Variants in AGBL4 observed in about 807,000 individuals in gnomAD.
The protein encoded by AGBL4 is cytosolic carboxypeptidase 6.
Under a neutral mutation model 66.4 loss-of-function variants are expected in AGBL4, and 58 were observed. That is an observed-to-expected ratio of 0.87 (90% CI 0.71 to 1.09). The LOEUF is 1.09. Among genes scored for constraint, AGBL4 ranks in the 50% least tolerant of loss-of-function variants. The pLI, the probability that AGBL4 is intolerant of heterozygous loss-of-function variation, is 0.00. For missense variants in AGBL4, 579 were observed against 631.0 expected, an observed-to-expected ratio of 0.92 and a Z score of 0.88; for synonymous variants, 234 against 222.9, an observed-to-expected ratio of 1.05 and a Z score of -0.44.
intron 4 of AGBL4, among the ~76,000 whole-genome samples, chr1:49,130,618 A>C (rs1395097334): frequency 1.3e-5 from 2 of 151,956 alleles, no homozygotes; most frequent in Non-Finnish European, 2.9e-5. Context: ...AAGATCAGAT[A>C]GTTGTAGATA....
intron 6 of AGBL4, among the ~76,000 whole-genome samples, chr1:48,702,516 T>C (rs192168840): frequency 1.1e-4 from 17 of 152,206 alleles, no homozygotes; most frequent in Non-Finnish European, 5.9e-5. Flanking sequence ...GGTCTCGAAC[T>C]CCTGACCTCA....
intron 1 of AGBL4, among the ~76,000 whole-genome samples, chr1:50,000,095 T>C (rs565775472): frequency 6.6e-6 from 1 of 152,236 alleles, no homozygotes; most frequent in African/African-American, 2.4e-5. Context: ...ACTAAAAATC[T>C]TTGGCACAGC....
intron 3 of AGBL4, among the ~76,000 whole-genome samples, chr1:49,399,714 G>C (rs1645044716): frequency 6.6e-6 from 1 of 152,014 alleles, no homozygotes; most frequent in Non-Finnish European, 1.5e-5. Context: ...TTCCTACAGA[G>C]TTGTTTGAGC....
intron 6 of AGBL4, among the ~76,000 whole-genome samples, chr1:48,692,830 G>C (rs1646654767): frequency 6.6e-6 from 1 of 152,152 alleles, no homozygotes; most frequent in South Asian, 2.1e-4. Context: ...AATGGATTAG[G>C]AGGGAATTAT....
chr1:49,011,811 C>T (rs1269652232), intron 5 of AGBL4, among the ~76,000 whole-genome samples: 3 of 141,324 alleles, frequency 2.1e-5, no homozygotes, highest in Non-Finnish European at 4.5e-5. Flanking sequence ...TATTCTCACT[C>T]ATAGGTGGGA....
intron 3 of AGBL4, among the ~76,000 whole-genome samples, chr1:49,445,934 C>T (rs1432548624): frequency 6.6e-6 from 1 of 152,124 alleles, no homozygotes; most frequent in Non-Finnish European, 1.5e-5. Flanking sequence ...TCACTGCAAC[C>T]TCTGTCCCCT....
At chr1:49,288,274 T>G (rs1644462736) in intron 3 of AGBL4, among the ~76,000 whole-genome samples, 1 of 145,266 alleles carries the variant, frequency 6.9e-6, no homozygotes, top group African/African-American at 2.6e-5. Context: ...TGATGACGAG[T>G]TAGTGGGTGC....
rs185256468 is a variant in AGBL4, at chr1:49,912,077, C to T, written c.35-60559G>A. 1.2e-3 allele frequency among the ~76,000 whole-genome samples: 182 copies of T among 152,318 alleles called. 2 individuals are homozygous for T. The highest frequency in any genetic ancestry group is 1.9e-3 in the Non-Finnish European group (132 of 68,030). ...AGGAACTATTCCATCTGCGCTAAGA[C>T]CTGCTACAACACATGTATCTGTATG... On this transcript the variant is annotated intron_variant, in intron 1 of 13. Coordinates refer to ENST00000371839, the MANE Select transcript of AGBL4 (RefSeq NM_032785.4).
intron 3 of AGBL4, among the ~76,000 whole-genome samples, chr1:49,670,049 A>G (rs1297181468): frequency 2.0e-5 from 3 of 152,186 alleles, no homozygotes; most frequent in Admixed American, 2.0e-4. Context: ...GAAGTGGTCA[A>G]TGAATCCTAT....
chr1:49,840,029 C>A (rs2148037133), intron 2 of AGBL4, among the ~76,000 whole-genome samples: 1 of 152,160 alleles, frequency 6.6e-6, no homozygotes, highest in Admixed American at 6.5e-5. Flanking sequence ...CAGGGAGATA[C>A]ACACAAGCCA....
intron 1 of AGBL4, among the ~76,000 whole-genome samples, chr1:49,856,224 G>A (rs1311946581): frequency 6.6e-6 from 1 of 152,042 alleles, no homozygotes; most frequent in African/African-American, 2.4e-5. Flanking sequence ...TTAATAATGA[G>A]TAGTAAGATT....
chr1:49,528,920 TAGAG>T (rs1235859928), intron 3 of AGBL4, among the ~76,000 whole-genome samples: 2 of 152,010 alleles, frequency 1.3e-5, no homozygotes, highest in African/African-American at 4.8e-5. Context: ...GAGATGAAGT[TAGAG>T]AGGTAGAAAA....
At chr1:49,845,688 C>A in intron 2 of AGBL4, 1 of 1,602,014 alleles carries the variant, frequency 6.2e-7, no homozygotes, top group Non-Finnish European at 8.5e-7. Flanking sequence ...CTGGGAAAGC[C>A]TTCAGCCAGA....
chr1:49,843,984 G>T (rs147748964), intron 2 of AGBL4, among the ~76,000 whole-genome samples: 1 of 152,240 alleles, frequency 6.6e-6, no homozygotes, highest in Non-Finnish European at 1.5e-5. Context: ...TTGAGGTCTT[G>T]CTATGGGATA....
chr1:49,258,402 AT>A (rs1190510362), intron 3 of AGBL4, among the ~76,000 whole-genome samples: 2 of 152,162 alleles, frequency 1.3e-5, no homozygotes, highest in Admixed American at 6.5e-5. Flanking sequence ...AAGTTGAAAA[AT>A]TTGAAAAAAA....
chr1:49,080,447 C>G (rs1280170222), intron 4 of AGBL4, among the ~76,000 whole-genome samples: 1 of 152,140 alleles, frequency 6.6e-6, no homozygotes, highest in Non-Finnish European at 1.5e-5. Context: ...ATAGCCAGCC[C>G]TCACTGATCC....
chr1:48,566,248 C>G (rs1187867764), intron 11 of AGBL4, among the ~76,000 whole-genome samples: 1 of 152,170 alleles, frequency 6.6e-6, no homozygotes, highest in African/African-American at 2.4e-5. Context: ...TGTCACCGAG[C>G]CTTTATTCAT....
chr1:49,137,310 G>A (rs1316684771), intron 4 of AGBL4, among the ~76,000 whole-genome samples: 1 of 152,058 alleles, frequency 6.6e-6, no homozygotes, highest in Non-Finnish European at 1.5e-5. Context: ...TCGTATAATA[G>A]AAGACTGATT....
intron 3 of AGBL4, chr1:49,374,136 G>A (rs1644423309): frequency 6.6e-6 from 1 of 151,878 alleles, no homozygotes; most frequent in South Asian, 2.1e-4. Context: ...TATTTTCCAG[G>A]GTAGTAGTGG....
Sources: gnomAD v4.1 joint callset for allele counts (sites outside exome capture counted in the v4.1 genomes callset) on GRCh38, gnomAD v4.1.1 for gene constraint, MANE v1.5 for transcripts, NCBI Gene and HGNC (gene_info 2026-07-23, HGNC 2026-07-21) for gene names.